The following CHRNA7 variants were observed in gnomAD, a reference collection of about 807,000 sequenced individuals.
CHRNA7 encodes the protein cholinergic receptor nicotinic alpha 7 subunit.
Under a neutral mutation model 48.0 loss-of-function variants are expected in CHRNA7, and 17 were observed. The observed-to-expected ratio is 0.35, with a 90% confidence interval of 0.24 to 0.53. The LOEUF (loss-of-function observed/expected upper bound fraction) is 0.53, where lower values mean the gene tolerates loss of function less well. Ranked by LOEUF, CHRNA7 falls within the 20% of genes least tolerant of loss-of-function variation. The probability of loss-of-function intolerance (pLI) is 0.92; values close to 1 mark genes in which losing one functional copy is unlikely to be tolerated. For synonymous variants in CHRNA7, 75 were observed against 242.3 expected, an observed-to-expected ratio of 0.31 and a Z score of 6.41; for missense variants, 155 against 577.7, an observed-to-expected ratio of 0.27 and a Z score of 7.50.
intron 3 of CHRNA7, among the ~76,000 whole-genome samples, chr15:32,104,244 G>A (rs1184089060): frequency 6.6e-6 from 1 of 151,674 alleles, no homozygotes; most frequent in Non-Finnish European, 1.5e-5. Flanking sequence ...TCCACTTGTT[G>A]GGTGACACAC....
intron 2 of CHRNA7, among the ~76,000 whole-genome samples, chr15:32,072,638 G>A (rs1394700965): frequency 1.3e-5 from 2 of 152,198 alleles, no homozygotes; most frequent in Non-Finnish European, 2.9e-5. Flanking sequence ...TCTGAGGCCA[G>A]AGCTGAGGCA....
rs71113441 is a variant in CHRNA7 at position 32,070,669 on chromosome 15, C to CTTTTTTTTTTTTTTT, written c.196-30613_196-30599dup. Among the ~76,000 whole-genome samples, 14 of 40,892 alleles carry CTTTTTTTTTTTTTTT rather than the reference C, an allele frequency of 3.4e-4. 4 individuals carry two copies. Among genetic ancestry groups the CTTTTTTTTTTTTTTT allele is most frequent in the African/African-American group, 1.3e-3 (14 of 10,770 alleles). The allele number at this position is 40,892 out of a possible 152,430, so 26.8% of individuals were successfully genotyped here. A position where few individuals can be genotyped will look rare whatever the true frequency, so the allele number is the denominator to read the frequency against. ...TGTGTGAACATGTGAGGTTTAGTTCCTTTTTTTTTTTTTTTTTTTTTTTTT... is the reference window on the plus strand; with the variant it reads ...TGTGTGAACATGTGAGGTTTAGTTCCTTTTTTTTTTTTTTTTTTTTTTTTTTTTTTTTTTTTTTTT... On this transcript the variant is annotated intron_variant, in intron 2 of 9. Transcript: ENST00000306901.
intron 4 of CHRNA7, among the ~76,000 whole-genome samples, chr15:32,120,980 G>A (rs988203904): frequency 6.6e-6 from 1 of 152,128 alleles, no homozygotes; most frequent in Non-Finnish European, 1.5e-5. Flanking sequence ...GCCCCTTCCC[G>A]AGCCTGCTGT....
At chr15:32,050,408 G>A (rs1349693099) in intron 2 of CHRNA7, among the ~76,000 whole-genome samples, 3 of 151,844 alleles carry the variant, frequency 2.0e-5, no homozygotes, top group East Asian at 1.9e-4. Context: ...ATCTTCCATC[G>A]CTGATACCCA....
At chr15:32,138,159 T>C (rs1387321404) in intron 4 of CHRNA7, among the ~76,000 whole-genome samples, 1 of 151,880 alleles carries the variant, frequency 6.6e-6, no homozygotes, top group East Asian at 1.9e-4. Flanking sequence ...AAAGAACTAA[T>C]AAAATCAACA....
At chr15:32,104,798 A>C (rs1004149675) in intron 3 of CHRNA7, among the ~76,000 whole-genome samples, 2 of 152,214 alleles carry the variant, frequency 1.3e-5, no homozygotes, top group African/African-American at 4.8e-5. Context: ...GGCTCCGGAG[A>C]ATGAGGCAAG....
chr15:32,142,585 T>C (rs1418025633), intron 4 of CHRNA7, among the ~76,000 whole-genome samples: 1 of 152,224 alleles, frequency 6.6e-6, no homozygotes, highest in Admixed American at 6.5e-5. Context: ...AATTATTGCC[T>C]CAATTTCAGA....
In CHRNA7 at chr15:32,111,819, T is replaced by C; in HGVS notation, c.270T>C (p.Asn90=). The stretch of plus-strand genomic sequence containing the variant: ...GGACAGATCACTATTTACAGTGGAA[T>C]GTGTCAGAATATCCAGGGGTGAAGA... The part of the protein sequence containing the change: ...MSWTDHYLQW[N]VSEYPGVKTV... The change falls in exon 4 of 10, where the codon AAT becomes AAC. Residue 90 remains asparagine (N), a synonymous_variant. Coordinates refer to ENST00000306901, the MANE Select transcript of CHRNA7 (RefSeq NM_000746.6). 3.1e-6 allele frequency: 5 copies of C among 1,613,522 alleles called. No homozygotes were observed. Among genetic ancestry groups the C allele is most frequent in the Non-Finnish European group, 4.2e-6 (5 of 1,179,414 alleles).
intron 2 of CHRNA7, among the ~76,000 whole-genome samples, chr15:32,086,591 T>C (rs1346376633): frequency 6.6e-6 from 1 of 152,138 alleles, no homozygotes; most frequent in East Asian, 1.9e-4. Context: ...TCACATTTTA[T>C]TGGCTTTTTA....
intron 4 of CHRNA7, among the ~76,000 whole-genome samples, chr15:32,148,315 G>C (rs575842775): frequency 6.6e-6 from 1 of 152,124 alleles, no homozygotes; most frequent in Non-Finnish European, 1.5e-5. Context: ...CTGGACCCCT[G>C]GCTTTTTCTC....
intron 2 of CHRNA7, among the ~76,000 whole-genome samples, chr15:32,098,422 T>C (rs1403099651): frequency 6.6e-6 from 1 of 152,076 alleles, no homozygotes; most frequent in Admixed American, 6.6e-5. Flanking sequence ...TGCAGACCTA[T>C]TGCTGCCAGA....
chr15:32,101,262 AC>A (rs1264691761), intron 2 of CHRNA7, 40 bp from the exon 3 acceptor site: 1 of 1,573,774 alleles, frequency 6.4e-7, no homozygotes, highest in African/African-American at 1.4e-5. Context: ...TCTTTTGTAA[AC>A]CATATTATTT....
chr15:32,060,981 C>G (rs1458159603), intron 2 of CHRNA7, among the ~76,000 whole-genome samples: 3 of 152,174 alleles, frequency 2.0e-5, no homozygotes, highest in African/African-American at 4.8e-5. Flanking sequence ...ACCCGAGGAG[C>G]ATTGTGGGCC....
chr15:32,140,634 G>GT (rs1491426309), intron 4 of CHRNA7, among the ~76,000 whole-genome samples: 1 of 152,176 alleles, frequency 6.6e-6, no homozygotes, highest in African/African-American at 2.4e-5. Flanking sequence ...GAGAGAGATG[G>GT]TATCTCATTG....
At position 32,030,657 on chromosome 15, in the gene CHRNA7, C is replaced by G. The variant is rs199499765; in HGVS notation, c.55+8C>G. 2.2e-5 allele frequency: 35 copies of G among 1,574,052 alleles called. No individual in the cohort carries two copies. The African/African-American group carries it at 4.7e-4, about 21-fold the overall frequency. On this transcript the variant is annotated splice_region_variant and intron_variant, in intron 1 of 9. Coordinates refer to ENST00000306901, the MANE Select transcript of CHRNA7 (RefSeq NM_000746.6). ...CCGCGTCGCTCCTGCACGGTAAAGCCACTGCCTCCCCGCCCTCCACTCCTC... is the reference window on the plus strand; with the variant it reads ...CCGCGTCGCTCCTGCACGGTAAAGCGACTGCCTCCCCGCCCTCCACTCCTC...
At chr15:32,146,134 G>A (rs2051484518) in intron 4 of CHRNA7, among the ~76,000 whole-genome samples, 1 of 152,134 alleles carries the variant, frequency 6.6e-6, no homozygotes, top group East Asian at 1.9e-4. Flanking sequence ...ACAAGTTTAG[G>A]CTTCTATTAG....
chr15:32,045,948 T>C (rs1249775650), intron 2 of CHRNA7, among the ~76,000 whole-genome samples: 4 of 151,322 alleles, frequency 2.6e-5, no homozygotes, highest in African/African-American at 7.3e-5. Context: ...GATAGTTTAC[T>C]GAGAATGATG....
intron 2 of CHRNA7, among the ~76,000 whole-genome samples, chr15:32,086,262 G>A (rs1393710416): frequency 2.0e-5 from 3 of 150,708 alleles, no homozygotes; most frequent in Non-Finnish European, 3.0e-5. Flanking sequence ...CCAGCTACTC[G>A]GGAGGCTGAA....
intron 2 of CHRNA7, among the ~76,000 whole-genome samples, chr15:32,080,346 C>T (rs1442131852): frequency 6.6e-6 from 1 of 152,106 alleles, no homozygotes. Flanking sequence ...ACTGTCATCA[C>T]AGTGAACAGA....
Sources: gnomAD v4.1 joint callset for allele counts (sites outside exome capture counted in the v4.1 genomes callset) on GRCh38, gnomAD v4.1.1 for gene constraint, MANE v1.5 for transcripts, NCBI Gene and HGNC (gene_info 2026-07-23, HGNC 2026-07-21) for gene names.